EDNRA: variants seen among roughly 807,000 people sequenced by gnomAD.
The protein encoded by EDNRA is endothelin-1 receptor.
EDNRA carries 11 observed loss-of-function variants against 41.4 expected under a neutral mutation model. That is an observed-to-expected ratio of 0.27 (90% CI 0.17 to 0.44). The LOEUF is 0.44. Ranked by LOEUF, EDNRA falls within the 20% of genes least tolerant of loss-of-function variation. The probability of loss-of-function intolerance (pLI) is 1.00; values close to 1 mark genes in which losing one functional copy is unlikely to be tolerated. For synonymous variants in EDNRA, 172 were observed against 183.0 expected, an observed-to-expected ratio of 0.94 and a Z score of 0.49; for missense variants, 294 against 531.0, an observed-to-expected ratio of 0.55 and a Z score of 4.39.
intron 3 of EDNRA, among the ~76,000 whole-genome samples, chr4:147,526,306 G>T (rs1218220365): frequency 2.0e-5 from 3 of 152,200 alleles, no homozygotes; most frequent in African/African-American, 7.2e-5. Flanking sequence ...TTGAAGGTCA[G>T]GAATTTGGGC....
chr4:147,501,690 T>A (rs940340700), intron 2 of EDNRA, among the ~76,000 whole-genome samples: 1 of 152,256 alleles, frequency 6.6e-6, no homozygotes, highest in Admixed American at 6.5e-5. Context: ...GATCTCTGAA[T>A]ATCAATATAT....
chr4:147,536,050 A>G (rs758247222), intron 5 of EDNRA, 21 bp downstream of exon 5: 3 of 1,613,586 alleles, frequency 1.9e-6, no homozygotes, highest in Non-Finnish European at 2.5e-6. Context: ...TAACATCATG[A>G]AAATCTGGCC....
At chr4:147,505,961 A>G in intron 2 of EDNRA, 1 of 317,882 alleles carries the variant, frequency 3.1e-6, no homozygotes, top group Non-Finnish European at 6.0e-6. Flanking sequence ...AGTTTCTTAT[A>G]AAACTAAATA....
At position 147,519,647 on chromosome 4, in the gene EDNRA, C is replaced by A. The variant is rs942109559; in HGVS notation, c.421-204C>A. Reference sequence around the variant, plus strand: ...ACATATTAATAATAATAAATTATATCTGTATATCTTTCCAGACTAAAAATT... The same window carrying A: ...ACATATTAATAATAATAAATTATATATGTATATCTTTCCAGACTAAAAATT... On this transcript the variant is annotated intron_variant, in intron 2 of 7. Transcript: ENST00000651419. This position sits in a 1 kb window ranked among gnomAD's most constrained non-coding sequence, Gnocchi z 4.1. Among the ~76,000 whole-genome samples, 3 of 151,392 alleles carry A rather than the reference C, an allele frequency of 2.0e-5. No homozygotes were observed. Among genetic ancestry groups the A allele is most frequent in the Admixed American group, 6.6e-5 (1 of 15,210 alleles).
At chr4:147,538,816 T>C (rs532679421) in intron 5 of EDNRA, among the ~76,000 whole-genome samples, 1 of 152,184 alleles carries the variant, frequency 6.6e-6, no homozygotes, top group African/African-American at 2.4e-5. Flanking sequence ...GAGTTTATTG[T>C]AGGCTTCCCG....
chr4:147,533,342 C>G (rs1197128500), intron 4 of EDNRA, among the ~76,000 whole-genome samples: 1 of 152,118 alleles, frequency 6.6e-6, no homozygotes, highest in Non-Finnish European at 1.5e-5. Context: ...AAAGCTTAAT[C>G]ACATGACTGT....
At chr4:147,514,308 G>A (rs1730024537) in intron 2 of EDNRA, among the ~76,000 whole-genome samples, 1 of 152,106 alleles carries the variant, frequency 6.6e-6, no homozygotes, top group Admixed American at 6.6e-5. Context: ...ATATAGGGGA[G>A]AACAGCCTTA....
At chr4:147,495,581 AAAAT>A (rs1199747459) in intron 2 of EDNRA, 1 of 152,202 alleles carries the variant, frequency 6.6e-6, no homozygotes, top group African/African-American at 2.4e-5. Flanking sequence ...CAGAAAATAA[AAAAT>A]AAATAAACTG....
At chr4:147,527,173 C>A (rs1397647215) in intron 3 of EDNRA, among the ~76,000 whole-genome samples, 6 of 152,174 alleles carry the variant, frequency 3.9e-5, no homozygotes, top group African/African-American at 1.4e-4. Context: ...GTAGAAACTT[C>A]TTTCTTAAGG....
At chr4:147,511,007 G>T (rs1006301451) in intron 2 of EDNRA, among the ~76,000 whole-genome samples, 1 of 152,162 alleles carries the variant, frequency 6.6e-6, no homozygotes, top group Non-Finnish European at 1.5e-5. Context: ...AACATTTCTT[G>T]TTTGGCAGAG....
At chr4:147,510,238 G>T (rs1560904398) in intron 2 of EDNRA, among the ~76,000 whole-genome samples, 1 of 152,156 alleles carries the variant, frequency 6.6e-6, no homozygotes. Flanking sequence ...AATGGCAAAA[G>T]AAGGCTCTCT....
intron 4 of EDNRA, among the ~76,000 whole-genome samples, chr4:147,534,533 A>G (rs1378655465): frequency 6.6e-6 from 1 of 152,216 alleles, no homozygotes; most frequent in Non-Finnish European, 1.5e-5. Context: ...ACAAATCACC[A>G]TAGTGTTTAC....
intron 2 of EDNRA, chr4:147,495,926 C>G (rs1301730347): frequency 6.6e-6 from 1 of 152,182 alleles, no homozygotes; most frequent in Admixed American, 6.5e-5. Flanking sequence ...AAGATGCCAG[C>G]AATCCTCAAT....
intron 3 of EDNRA, among the ~76,000 whole-genome samples, chr4:147,525,877 C>T (rs945432638): frequency 3.3e-5 from 5 of 152,214 alleles, no homozygotes; most frequent in Admixed American, 3.3e-4. Context: ...GATGTCAGTT[C>T]TTGAACCCAT....
At position 147,519,747 on chromosome 4, in the gene EDNRA, C is replaced by T; in HGVS notation, c.421-104C>T. 7.3e-7 allele frequency: 1 copy of T among 1,372,458 alleles called. No homozygotes were observed. The highest frequency in any genetic ancestry group is 9.8e-7 in the Non-Finnish European group (1 of 1,016,390). 85.0% of individuals were successfully genotyped at this position (1,372,458 alleles called of 1,614,324 possible). ...TTGCTACAGTGCTAACTGAAAAGCACTGTGAATAAAATTTAGAAGTTGGGA... is the reference window on the plus strand; with the variant it reads ...TTGCTACAGTGCTAACTGAAAAGCATTGTGAATAAAATTTAGAAGTTGGGA... On this transcript the variant is annotated intron_variant, in intron 2 of 7. Coordinates refer to ENST00000651419, the MANE Select transcript of EDNRA (RefSeq NM_001957.4). This position sits in a 1 kb window ranked among gnomAD's most constrained non-coding sequence, Gnocchi z 4.1.
chr4:147,541,396 C>A (rs964614473), intron 7 of EDNRA, among the ~76,000 whole-genome samples: 7 of 152,052 alleles, frequency 4.6e-5, no homozygotes, highest in Admixed American at 4.6e-4. Flanking sequence ...AGGCAGAGTG[C>A]GGTAGAGGTC....
chr4:147,535,507 G>A (rs141907577), intron 4 of EDNRA, among the ~76,000 whole-genome samples: 42 of 152,274 alleles, frequency 2.8e-4, no homozygotes, highest in African/African-American at 9.1e-4. Flanking sequence ...CAGAAATAAA[G>A]ATAAACATGT....
intron 2 of EDNRA, among the ~76,000 whole-genome samples, chr4:147,509,247 G>A (rs187066291): frequency 9.8e-5 from 15 of 152,294 alleles, no homozygotes; most frequent in Admixed American, 7.2e-4. Flanking sequence ...TCCTGCGAAT[G>A]TGTGATGGTG....
chr4:147,536,733 G>A (rs1380025194), intron 5 of EDNRA, among the ~76,000 whole-genome samples: 2 of 152,168 alleles, frequency 1.3e-5, no homozygotes, highest in Non-Finnish European at 2.9e-5. Flanking sequence ...AGTGTTGGAG[G>A]ACCCAAAGTT....
Sources: gnomAD v4.1 joint callset for allele counts (sites outside exome capture counted in the v4.1 genomes callset) on GRCh38, gnomAD v4.1.1 for gene constraint, Gnocchi (gnomAD v3.1) non-coding constraint, MANE v1.5 for transcripts, NCBI Gene and HGNC (gene_info 2026-07-23, HGNC 2026-07-21) for gene names.